The following DGKH variants were observed in gnomAD, a reference collection of about 807,000 sequenced individuals.
DGKH encodes the protein diacylglycerol kinase eta.
DGKH carries 90 observed loss-of-function variants against 159.3 expected under a neutral mutation model. That is an observed-to-expected ratio of 0.57 (90% CI 0.48 to 0.67). The LOEUF (loss-of-function observed/expected upper bound fraction) is 0.67. Among genes scored for constraint, DGKH ranks in the 30% least tolerant of loss-of-function variants. The pLI, the probability that DGKH is intolerant of heterozygous loss-of-function variation, is 0.00. For missense variants in DGKH, 1,181 were observed against 1,506.1 expected, an observed-to-expected ratio of 0.78 and a Z score of 3.57; for synonymous variants, 536 against 553.8, an observed-to-expected ratio of 0.97 and a Z score of 0.45.
Position 42,219,686 on chromosome 13 carries a change from G to A in DGKH, c.3334G>A (p.Glu1112Lys). The change falls in exon 28 of 30, where the codon GAA becomes AAA. Residue 1112 changes from glutamate (E) to lysine (K), a missense_variant and splice_region_variant. This residue lies in a region of DGKH where 335 missense variants were observed against 495.2 expected (regional missense o/e 0.68). Transcript: ENST00000337343. ...TTATTTTCTTGCTCGATTTGAACAG[G>A]AACCTCCTATGGATTGCACCAAAAG... is the stretch of plus-strand genomic sequence containing the variant. ...YYILHPNEDE[E>K]PPMDCTKRNN... 1 of 1,611,640 alleles carries A rather than the reference G, an allele frequency of 6.2e-7. No individual in the cohort carries two copies. Among genetic ancestry groups the A allele is most frequent in the Non-Finnish European group, 8.5e-7 (1 of 1,179,202 alleles).
chr13:42,052,103 A>T (rs991629234), intron 1 of DGKH, among the ~76,000 whole-genome samples: 4 of 152,202 alleles, frequency 2.6e-5, no homozygotes, highest in Non-Finnish European at 2.9e-5. Flanking sequence ...GCAGAAGTAA[A>T]TATGGGTTGT....
At position 42,172,374 on chromosome 13, in the gene DGKH, T is replaced by G. The variant is rs544119452; in HGVS notation, c.1368-1686T>G. Among the ~76,000 whole-genome samples the G allele has an allele frequency of 7.5e-4, 114 of 152,302 alleles. 1 individual carries two copies. The South Asian group carries it at 9.1e-3, about 12-fold the overall frequency. On this transcript the variant is annotated intron_variant, in intron 11 of 29. Coordinates refer to ENST00000337343, the MANE Select transcript of DGKH (RefSeq NM_178009.5). The stretch of plus-strand genomic sequence containing the variant: ...ACCTCGTGATCTGCCCGCCTCAGCC[T>G]CCCAAAGTAAATTTCTTTTAAAGTA...
intron 3 of DGKH, among the ~76,000 whole-genome samples, chr13:42,149,301 TC>T (rs1955818597): frequency 6.6e-6 from 1 of 152,166 alleles, no homozygotes; most frequent in Non-Finnish European, 1.5e-5. Flanking sequence ...TTGGTTAGTT[TC>T]CCCTTCACTG....
intron 9 of DGKH, among the ~76,000 whole-genome samples, chr13:42,167,065 A>T (rs151191085): frequency 1.3e-5 from 2 of 152,200 alleles, no homozygotes; most frequent in Admixed American, 6.5e-5. Context: ...AGGGACTCTC[A>T]TGGCTGTCAA....
chr13:42,156,869 C>A (rs1179927525), intron 5 of DGKH, among the ~76,000 whole-genome samples: 1 of 152,190 alleles, frequency 6.6e-6, no homozygotes, highest in Non-Finnish European at 1.5e-5. Flanking sequence ...GTCAAACCCT[C>A]TTCCACTTCC....
rs752869621 is a variant in DGKH at position 42,155,302 on chromosome 13, A to G, written c.396A>G (p.Pro132=). The part of the protein sequence containing the change: ...NANNSFTIIT[P]FRRLMLCAEN... ...ATTATCCCTTTCAGATCATCACTCC[A>G]TTCAGAAGGCTAATGCTGTGTGCTG... The change falls in exon 4 of 30, where the codon CCA becomes CCG. Residue 132 remains proline, a synonymous_variant. Coordinates refer to ENST00000337343, the MANE Select transcript of DGKH (RefSeq NM_178009.5). 7.5e-6 allele frequency: 12 copies of G among 1,601,646 alleles called. No individual in the cohort carries two copies. The highest frequency in any genetic ancestry group is 1.0e-5 in the Non-Finnish European group (12 of 1,177,002).
At chr13:42,247,453 A>T (rs1471867143), downstream of DGKH, among the ~76,000 whole-genome samples, 1 of 151,096 alleles carries the variant, frequency 6.6e-6, no homozygotes, top group Non-Finnish European at 1.5e-5. Flanking sequence ...CTGGTCTCGA[A>T]CTCCTGATCT....
At chr13:42,084,248 C>CT (rs1325340577) in intron 1 of DGKH, among the ~76,000 whole-genome samples, 1 of 152,146 alleles carries the variant, frequency 6.6e-6, no homozygotes, top group Non-Finnish European at 1.5e-5. Flanking sequence ...TTAAAAATCA[C>CT]TTAAAAATTT....
chr13:42,051,875 G>A (rs1220336887), intron 1 of DGKH, among the ~76,000 whole-genome samples: 1 of 151,954 alleles, frequency 6.6e-6, no homozygotes, highest in South Asian at 2.1e-4. Context: ...ATGTTGGTCA[G>A]GCTGGTCTCG....
chr13:42,061,966 A>G (rs572619287), intron 1 of DGKH, among the ~76,000 whole-genome samples: 2 of 124,876 alleles, frequency 1.6e-5, no homozygotes, highest in African/African-American at 5.5e-5. Context: ...GTAAAGGGAG[A>G]AAGATGGAGA....
chr13:42,113,125 G>A (rs1398744578), intron 1 of DGKH, among the ~76,000 whole-genome samples: 1 of 152,152 alleles, frequency 6.6e-6, no homozygotes, highest in Non-Finnish European at 1.5e-5. Context: ...GGTGGGGGCA[G>A]AGCTTCCTAA....
At chr13:42,245,918 A>G (rs2138334142), downstream of DGKH, among the ~76,000 whole-genome samples, 1 of 152,316 alleles carries the variant, frequency 6.6e-6, no homozygotes, top group African/African-American at 2.4e-5. Context: ...GGGCTAGCTG[A>G]ATCATCATAT....
intron 1 of DGKH, among the ~76,000 whole-genome samples, chr13:42,106,097 T>G (rs1954749707): frequency 6.6e-6 from 1 of 151,956 alleles, no homozygotes; most frequent in Non-Finnish European, 1.5e-5. Flanking sequence ...AACCTTCGCC[T>G]CCTTGGTTCA....
chr13:42,144,302 C>G (rs1339654457), intron 3 of DGKH, among the ~76,000 whole-genome samples: 1 of 152,106 alleles, frequency 6.6e-6, no homozygotes, highest in Non-Finnish European at 1.5e-5. Context: ...GTTTGCAACC[C>G]TATGCCTCGT....
At position 42,168,595 on chromosome 13, in the gene DGKH, A is replaced by G. The variant is rs1368649696; in HGVS notation, c.1227+47A>G. 4.3e-6 allele frequency: 7 copies of G among 1,613,364 alleles called. No individual in the cohort carries two copies. In the South Asian group the frequency reaches 6.6e-5, roughly 15 times the overall value. ...TGCTAGTTAACATGAATGCATACTA[A>G]CATACTTACCAGAGAGGTGCAGAAA... On this transcript the variant is annotated intron_variant, in intron 10 of 29. Coordinates refer to ENST00000337343, the MANE Select transcript of DGKH (RefSeq NM_178009.5).
At chr13:42,178,104 A>G in intron 12 of DGKH, 31 bp from the exon 13 acceptor site, 4 of 1,558,890 alleles carry the variant, frequency 2.6e-6, no homozygotes, top group Non-Finnish European at 2.6e-6. Flanking sequence ...GCCAGCAACA[A>G]TAATACAGTG....
At chr13:42,181,276 C>CAAAAAAA (rs34220072) in intron 13 of DGKH, among the ~76,000 whole-genome samples, 9 of 81,234 alleles carry the variant, frequency 1.1e-4, no homozygotes, top group Non-Finnish European at 1.7e-4. Context: ...GACTCTGTCT[C>CAAAAAAA]AAAAAAAAAA....
chr13:42,054,677 A>G (rs1353410748), intron 1 of DGKH, among the ~76,000 whole-genome samples: 6 of 152,236 alleles, frequency 3.9e-5, no homozygotes. Flanking sequence ...TTTGTACAGT[A>G]AGGTGACTGT....
In DGKH at chr13:42,215,560, A is replaced by T; in HGVS notation, c.3121-15A>T. On this transcript the variant is annotated splice_polypyrimidine_tract_variant and intron_variant, in intron 25 of 29. Transcript: ENST00000337343. ...TTAATACAGATCACATGTCTTTGAT[A>T]TTCTTCTTTTCTAGAGTCTTACAAG... 6.3e-7 allele frequency: 1 copy of T among 1,584,928 alleles called. No individual in the cohort carries two copies. Among genetic ancestry groups the T allele is most frequent in the South Asian group, 1.1e-5 (1 of 88,276 alleles).
Sources: gnomAD v4.1 joint callset for allele counts (sites outside exome capture counted in the v4.1 genomes callset) on GRCh38, gnomAD v4.1.1 for gene constraint, gnomAD v4.1.1 regional missense constraint, MANE v1.5 for transcripts, NCBI Gene and HGNC (gene_info 2026-07-23, HGNC 2026-07-21) for gene names.